Variants in C16orf89 observed in about 807,000 individuals in gnomAD.
The protein encoded by C16orf89 is chromosome 16 open reading frame 89, also known as UPF0764 protein C16orf89.
Under a neutral mutation model 41.5 loss-of-function variants are expected in C16orf89, and 57 were observed. That is an observed-to-expected ratio of 1.38 (90% CI 1.11 to 1.71). C16orf89 has a LOEUF of 1.71. Ranked by LOEUF, C16orf89 falls within the 40% of genes most tolerant of loss-of-function variation. C16orf89 has a pLI of 0.00. For synonymous variants in C16orf89, 223 were observed against 190.6 expected, an observed-to-expected ratio of 1.17 and a Z score of -1.40; for missense variants, 575 against 445.9, an observed-to-expected ratio of 1.29 and a Z score of -2.61.
chr16:5,044,072 A>T, downstream of C16orf89: 2 of 1,049,918 alleles, frequency 1.9e-6, no homozygotes, highest in Non-Finnish European at 2.4e-6. Context: ...ACAGACCAAG[A>T]GGTTGTCCAA....
chr16:5,047,821 G>T, intron 7 of C16orf89, 57 bp downstream of exon 7: 1 of 1,009,012 alleles, frequency 9.9e-7, no homozygotes, highest in Non-Finnish European at 1.6e-6. Context: ...ACAGGCCTCT[G>T]TTTTGCTAGG....
chr16:5,044,280 A>G lies in C16orf89; in HGVS notation c.*68T>C. On this transcript the variant is annotated 3_prime_UTR_variant, in exon 8 of 8. Transcript: ENST00000472572. ...TCCCAGGATGTGATCCGTGCCCTCCAGGATCTAAGGGATGAGGACTAAAGG... is the reference window on the plus strand; with the variant it reads ...TCCCAGGATGTGATCCGTGCCCTCCGGGATCTAAGGGATGAGGACTAAAGG... The G allele has an allele frequency of 2.0e-6, 3 of 1,500,000 alleles. No individual in the cohort carries two copies. Among genetic ancestry groups the G allele is most frequent in the Admixed American group, 2.3e-5 (1 of 42,894 alleles). The allele number at this position is 1,500,000 out of a possible 1,614,324, so 92.9% of individuals were successfully genotyped here.
At chr16:5,044,837 C>G in intron 7 of C16orf89, 1 of 1,240,806 alleles carries the variant, frequency 8.1e-7, no homozygotes. Context: ...GAGCGAGAAT[C>G]TGTCTCAAAA....
At chr16:5,046,175 C>G (rs1020922688) in intron 7 of C16orf89, among the ~76,000 whole-genome samples, 1 of 152,128 alleles carries the variant, frequency 6.6e-6, no homozygotes, top group Admixed American at 6.5e-5. Flanking sequence ...TCTGCTTTCA[C>G]TCTCTCCTGT....
chr16:5,055,346 C>G lies in C16orf89; in HGVS notation c.768G>C (p.Met256Ile), dbSNP rs1306267967. ...CGGAGAAGCCGCCCATTCCACAGAA[C>G]ATGACTGGAAGTAAAGACGGGGGCC... ...PTRDIFMENI[M>I]FCGMGGFSDF... Residue 256 changes from methionine to isoleucine, a missense_variant, in exon 6 of 8, where the codon ATG (methionine) becomes ATC (isoleucine). Met to Ile is a conservative substitution (Grantham distance 10). Transcript: ENST00000472572. 1.2e-6 allele frequency: 2 copies of G among 1,609,140 alleles called. No individual in the cohort carries two copies. The highest frequency in any genetic ancestry group is 2.2e-5 in the South Asian group (2 of 90,346).
intron 7 of C16orf89, 103 bp downstream of exon 7, chr16:5,047,775 A>G (rs1172611322): frequency 4.1e-6 from 3 of 735,702 alleles, no homozygotes; most frequent in Admixed American, 4.3e-5. Flanking sequence ...CCCTTTGGTG[A>G]TGCCAAGTGC....
intron 4 of C16orf89, among the ~76,000 whole-genome samples, chr16:5,057,142 G>A (rs997511844): frequency 6.6e-6 from 1 of 151,518 alleles, no homozygotes; most frequent in African/African-American, 2.4e-5. Flanking sequence ...GGAGGCTGAG[G>A]CAGAGAATTG....
chr16:5,045,038 G>A (rs1956270259), intron 7 of C16orf89, among the ~76,000 whole-genome samples: 1 of 152,116 alleles, frequency 6.6e-6, no homozygotes, highest in Non-Finnish European at 1.5e-5. Flanking sequence ...TGGCCACCTT[G>A]GCCCAGGGGG....
At chr16:5,057,535 G>GTA (rs904344394) in intron 4 of C16orf89, among the ~76,000 whole-genome samples, 18 of 148,912 alleles carry the variant, frequency 1.2e-4, no homozygotes, top group African/African-American at 3.2e-4. Context: ...TTTTTTATAT[G>GTA]TATATATATA....
At chr16:5,059,458 C>T (rs1203056465) in intron 3 of C16orf89, among the ~76,000 whole-genome samples, 2 of 151,922 alleles carry the variant, frequency 1.3e-5, no homozygotes, top group Non-Finnish European at 2.9e-5. Flanking sequence ...GGACAGTGAG[C>T]CTCTGTCTCA....
Position 5,060,387 on chromosome 16 carries a change from C to G in C16orf89, c.408G>C (p.Trp136Cys), listed in dbSNP as rs772051311. The G allele has an allele frequency of 6.2e-7, 1 of 1,613,310 alleles. No homozygotes were observed. Reference sequence around the variant, plus strand: ...ACACCAAGGAGGCATCAGTGTGGATCCAGGCATGTGGGAGCTTCCAAAACC... The same window carrying G: ...ACACCAAGGAGGCATCAGTGTGGATGCAGGCATGTGGGAGCTTCCAAAACC... ...QPGFWKLPHAWIHTDASLVYP... is the reference protein window; with the variant it reads ...QPGFWKLPHACIHTDASLVYP... The change falls in exon 3 of 8, where the codon TGG (tryptophan) becomes TGC (cysteine). Residue 136 changes from tryptophan to cysteine, a missense_variant. By Grantham distance (215) the Trp-to-Cys change is radical. Transcript: ENST00000472572.
chr16:5,059,766 A>G (rs1022414014), intron 3 of C16orf89, among the ~76,000 whole-genome samples: 1 of 152,126 alleles, frequency 6.6e-6, no homozygotes, highest in Admixed American at 6.5e-5. Flanking sequence ...ACAAATGTAA[A>G]TTGCATCTGT....
At chr16:5,064,857 C>A (rs528751512) in intron 1 of C16orf89, among the ~76,000 whole-genome samples, 26 of 152,314 alleles carry the variant, frequency 1.7e-4, no homozygotes, top group African/African-American at 6.0e-4. Context: ...ATTAAGAGAA[C>A]CCCCTCCCTT....
At position 5,055,105 on chromosome 16, in the gene C16orf89, G is replaced by A. The variant is rs116983771; in HGVS notation, c.868+141C>T. ...AGCCCGTTTCTCCTTGTGTGTACAC[G>A]TCTGTGTGTGTGCACCTGTAGGTTA... On this transcript the variant is annotated intron_variant, in intron 6 of 7. Transcript: ENST00000472572. The A allele has an allele frequency of 1.3e-4, 97 of 734,870 alleles. 1 individual carries two copies. The East Asian group carries it at 2.4e-3, about 18-fold the overall frequency. 45.5% of individuals were successfully genotyped at this position (734,870 alleles called of 1,614,324 possible). A position where few individuals can be genotyped will look rare whatever the true frequency, so the allele number is the denominator to read the frequency against.
intron 3 of C16orf89, 120 bp from the exon 4 acceptor site, chr16:5,058,730 G>A: frequency 1.3e-6 from 1 of 747,632 alleles, no homozygotes; most frequent in East Asian, 3.0e-5. Context: ...AGCTGGGCAT[G>A]GGGGTTGACA....
chr16:5,054,986 C>G (rs1366882921), intron 6 of C16orf89, among the ~76,000 whole-genome samples: 2 of 152,178 alleles, frequency 1.3e-5, no homozygotes, highest in Non-Finnish European at 2.9e-5. Context: ...AAAAACAGTA[C>G]AATACAAATG....
intron 6 of C16orf89, among the ~76,000 whole-genome samples, chr16:5,051,814 A>C (rs1956401524): frequency 6.6e-6 from 1 of 152,186 alleles, no homozygotes; most frequent in Non-Finnish European, 1.5e-5. Context: ...AGGAAACAAA[A>C]TATGGCCAGG....
chr16:5,051,258 A>C (rs965075411), intron 6 of C16orf89, among the ~76,000 whole-genome samples: 4 of 152,242 alleles, frequency 2.6e-5, no homozygotes, highest in African/African-American at 9.6e-5. Context: ...GAGGAAGTCA[A>C]ATTGTACCTG....
At chr16:5,049,633 A>G (rs1324735262) in intron 6 of C16orf89, among the ~76,000 whole-genome samples, 1 of 152,248 alleles carries the variant, frequency 6.6e-6, no homozygotes, top group Non-Finnish European at 1.5e-5. Context: ...TAAGATGAAC[A>G]TTTAAAAATT....
Sources: allele counts gnomAD v4.1 joint callset (sites outside exome capture counted in the v4.1 genomes callset), GRCh38; gene constraint gnomAD v4.1.1; transcripts MANE v1.5; gene names NCBI Gene and HGNC (gene_info 2026-07-23, HGNC 2026-07-21).